Variants in RAD23B observed in about 807,000 individuals in gnomAD.
The protein encoded by RAD23B is lysine-specific demethylase RAD23B.
Under a neutral mutation model 49.1 loss-of-function variants are expected in RAD23B, and 5 were observed. The ratio of observed to expected loss-of-function variants is 0.10; its 90% CI spans 0.05 to 0.21. The LOEUF is 0.21. Among genes scored for constraint, RAD23B ranks in the 10% least tolerant of loss-of-function variants. RAD23B has a pLI of 1.00. For synonymous variants in RAD23B, 184 were observed against 165.4 expected (o/e 1.11, Z -0.86); for missense variants, 356 against 486.7 (o/e 0.73, Z 2.53).
intron 6 of RAD23B, among the ~76,000 whole-genome samples, chr9:107,319,755 CT>C (rs148790944): frequency 1.3e-5 from 2 of 151,948 alleles, no homozygotes; most frequent in South Asian, 2.1e-4. Flanking sequence ...ATAAAGTATT[CT>C]TTTTTTTACT....
chr9:107,302,174 TCACAAGTCCA>T (rs2133075399), intron 3 of RAD23B, 60 bp downstream of exon 3: 1 of 1,603,044 alleles, frequency 6.2e-7, no homozygotes, highest in Non-Finnish European at 8.5e-7. Context: ...AAAATGATGA[TCACAAGTCCA>T]CACAATGGAC....
intron 1 of RAD23B, among the ~76,000 whole-genome samples, chr9:107,298,339 A>T (rs547114438): frequency 2.6e-5 from 4 of 152,120 alleles, no homozygotes; most frequent in African/African-American, 9.6e-5. Context: ...TTTAAGGCAG[A>T]TTCTCACTCT....
chr9:107,315,685 T>C lies in RAD23B; in HGVS notation c.554-3067T>C, dbSNP rs150175239. On this transcript the variant is annotated intron_variant, in intron 5 of 9. Coordinates refer to ENST00000358015, the MANE Select transcript of RAD23B (RefSeq NM_002874.5). Reference sequence around the variant, plus strand: ...CCTGCCACCATGCCCAGATAATTTTTGTATTTTTAGTAGATACGGGGTTTC... The same window carrying C: ...CCTGCCACCATGCCCAGATAATTTTCGTATTTTTAGTAGATACGGGGTTTC... Among the ~76,000 whole-genome samples, 558 of 152,026 alleles carry C rather than the reference T, an allele frequency of 3.7e-3. 2 individuals are homozygous for C. Among genetic ancestry groups the C allele is most frequent in the Middle Eastern group, 0.017 (5 of 292 alleles).
intron 5 of RAD23B, among the ~76,000 whole-genome samples, chr9:107,316,555 A>G (rs1338661777): frequency 6.6e-6 from 1 of 152,230 alleles, no homozygotes; most frequent in African/African-American, 2.4e-5. Context: ...ATCAGTAGAT[A>G]AGAAAATAAA....
rs370938795 is a variant in RAD23B, at chr9:107,284,715, G to A, written c.66+1020G>A. 8 of 1,121,808 alleles carry A rather than the reference G, an allele frequency of 7.1e-6. No homozygotes were observed. The South Asian group carries it at 1.3e-4, about 18-fold the overall frequency. 69.5% of individuals were successfully genotyped at this position (1,121,808 alleles called of 1,614,324 possible). On this transcript the variant is annotated intron_variant, in intron 1 of 9. Transcript: ENST00000358015. The stretch of plus-strand genomic sequence containing the variant: ...TTGTCATAATACTAAGTTTAAACCA[G>A]CAGCTTTCTGCCCAACTCTATTTTT...
intron 3 of RAD23B, among the ~76,000 whole-genome samples, chr9:107,302,462 T>G (rs1416188715): frequency 6.6e-6 from 1 of 152,164 alleles, no homozygotes; most frequent in East Asian, 1.9e-4. Flanking sequence ...GTAGTTTTTG[T>G]AAGCTTGCCT....
rs142916959 is a variant in RAD23B, at chr9:107,305,340, T to G, written c.229-1039T>G. ...AAGAAAATCACGAGAGAGAATATTT[T>G]TAGTGTTCATTAAGTGTAAGTGGAT... On this transcript the variant is annotated intron_variant, in intron 3 of 9. Coordinates refer to ENST00000358015, the MANE Select transcript of RAD23B (RefSeq NM_002874.5). 4.4e-3 allele frequency among the ~76,000 whole-genome samples: 675 copies of G among 152,218 alleles called. 8 individuals carry two copies. The highest frequency in any genetic ancestry group is 0.015 in the African/African-American group (630 of 41,544).
At chr9:107,328,343 G>T (rs1827247205) in intron 9 of RAD23B, among the ~76,000 whole-genome samples, 1 of 152,094 alleles carries the variant, frequency 6.6e-6, no homozygotes, top group Non-Finnish European at 1.5e-5. Context: ...ACATAGGTGG[G>T]GTGGGCGCAG....
At chr9:107,296,879 G>A (rs899912553) in intron 1 of RAD23B, among the ~76,000 whole-genome samples, 28 of 135,282 alleles carry the variant, frequency 2.1e-4, no homozygotes, top group Non-Finnish European at 1.1e-4. Flanking sequence ...TTTTTGAGAT[G>A]CAGTATTGCT....
At chr9:107,284,261 TCTG>T in intron 1 of RAD23B, 1 of 978,346 alleles carries the variant, frequency 1.0e-6, no homozygotes. Context: ...AATGAATCGT[TCTG>T]CTGCCTTCCT....
At chr9:107,311,908 G>A (rs570714918) in intron 5 of RAD23B, among the ~76,000 whole-genome samples, 171 bp downstream of exon 5, 73 of 152,274 alleles carry the variant, frequency 4.8e-4, no homozygotes, top group Non-Finnish European at 9.4e-4. Flanking sequence ...GACTTTTAAT[G>A]TTTATGTATT....
intron 5 of RAD23B, among the ~76,000 whole-genome samples, chr9:107,315,984 A>T (rs541086266): frequency 2.0e-5 from 3 of 151,522 alleles, no homozygotes; most frequent in Admixed American, 6.6e-5. Flanking sequence ...CTGTGTTTGT[A>T]TCTCTGCACC....
At chr9:107,288,748 T>A (rs1833324488) in intron 1 of RAD23B, among the ~76,000 whole-genome samples, 1 of 152,182 alleles carries the variant, frequency 6.6e-6, no homozygotes, top group African/African-American at 2.4e-5. Flanking sequence ...AGGTGACATT[T>A]AAGCTGAGAG....
rs34042765 is a variant in RAD23B, at chr9:107,325,313, C to CAAAAAAAAAAAA, written c.1116+326_1116+337dup. On this transcript the variant is annotated intron_variant, in intron 9 of 9. Transcript: ENST00000358015. ...TGGGCAACAGAGTGAGACTCTGTCT[C>CAAAAAAAAAAAA]AAAAAAAAAAAAAAAAAAAAAAAAA... is the stretch of plus-strand genomic sequence containing the variant. Among the ~76,000 whole-genome samples, 61 of 61,386 alleles carry CAAAAAAAAAAAA rather than the reference C, an allele frequency of 9.9e-4. 5 individuals are homozygous for CAAAAAAAAAAAA. Among genetic ancestry groups the CAAAAAAAAAAAA allele is most frequent in the African/African-American group, 3.3e-3 (50 of 15,218 alleles). 40.3% of individuals were successfully genotyped at this position (61,386 alleles called of 152,430 possible). A position where few individuals can be genotyped will look rare whatever the true frequency, so the allele number is the denominator to read the frequency against.
intron 9 of RAD23B, among the ~76,000 whole-genome samples, chr9:107,327,699 A>G (rs1244729056): frequency 2.0e-5 from 3 of 152,192 alleles, no homozygotes. Flanking sequence ...TGTTCTATGT[A>G]TACTGAAGAA....
At chr9:107,302,213 T>C (rs1416129776) in intron 3 of RAD23B, 99 bp downstream of exon 3, 3 of 1,528,916 alleles carry the variant, frequency 2.0e-6, no homozygotes, top group Admixed American at 4.3e-5. Context: ...TACACATCCA[T>C]AGTGGTGTAC....
Position 107,318,843 on chromosome 9 carries a change from C to G in RAD23B, c.645C>G (p.Phe215Leu). Residue 215 changes from phenylalanine to leucine, a missense_variant, in exon 6 of 10, where the codon TTC becomes TTG. By Grantham distance (22) the Phe-to-Leu change is conservative (BLOSUM62 0). Coordinates refer to ENST00000358015, the MANE Select transcript of RAD23B (RefSeq NM_002874.5). This position sits in a 1 kb window ranked among gnomAD's most constrained non-coding sequence, Gnocchi z 4.3. ...EQVIAALRASFNNPDRAVEYL... is the reference protein window; with the variant it reads ...EQVIAALRASLNNPDRAVEYL... ...TAATTGCAGCCCTGAGAGCCAGTTT[C>G]AACAACCCTGACAGAGCAGTGGAGT... 1 of 1,613,722 alleles carries G rather than the reference C, an allele frequency of 6.2e-7. No individual in the cohort carries two copies. Among genetic ancestry groups the G allele is most frequent in the Non-Finnish European group, 8.5e-7 (1 of 1,179,674 alleles).
At chr9:107,311,805 C>A in intron 5 of RAD23B, 68 bp downstream of exon 5, 1 of 1,207,278 alleles carries the variant, frequency 8.3e-7, no homozygotes, top group Non-Finnish European at 1.2e-6. Context: ...TTTTCTAGAT[C>A]ATGATAAAAG....
At chr9:107,285,011 A>G in intron 1 of RAD23B, 1 of 1,227,256 alleles carries the variant, frequency 8.1e-7, no homozygotes, top group Non-Finnish European at 1.1e-6. Flanking sequence ...TATCTCATTT[A>G]ATCTTAAGTT....
Sources: allele counts gnomAD v4.1 joint callset (sites outside exome capture counted in the v4.1 genomes callset), GRCh38; gene constraint gnomAD v4.1.1; non-coding constraint Gnocchi (gnomAD v3.1); transcripts MANE v1.5; gene names NCBI Gene and HGNC (gene_info 2026-07-23, HGNC 2026-07-21).